Variants in LILRB2 observed in about 807,000 individuals in gnomAD.
LILRB2 encodes leukocyte immunoglobulin-like receptor subfamily B member 2.
Under a neutral mutation model 72.7 loss-of-function variants are expected in LILRB2, and 47 were observed. The observed-to-expected ratio is 0.65, with a 90% CI of 0.51 to 0.82. LILRB2 has a LOEUF of 0.82. Among genes scored for constraint, LILRB2 ranks in the 40% least tolerant of loss-of-function variants. The pLI, the probability that LILRB2 is intolerant of heterozygous loss-of-function variation, is 0.00. For missense variants in LILRB2, 767 were observed against 764.8 expected (o/e 1.00, Z -0.03); for synonymous variants, 279 against 313.7 (o/e 0.89, Z 1.17).
chr19:54,278,728 T>A lies in LILRB2; in HGVS notation c.955+84A>T, dbSNP rs537959344. 31 of 1,463,794 alleles carry A rather than the reference T, an allele frequency of 2.1e-5. No homozygotes were observed. In the African/African-American group the frequency reaches 4.6e-4, roughly 22 times the overall value. 90.7% of individuals were successfully genotyped at this position (1,463,794 alleles called of 1,614,324 possible). A position where few individuals can be genotyped will look rare whatever the true frequency, so the allele number is the denominator to read the frequency against. ...CCCTCCCTTGGGACCACCCCCCGCCTCATCCTGGCCATCACTAATTGGATT... is the reference window on the plus strand; with the variant it reads ...CCCTCCCTTGGGACCACCCCCCGCCACATCCTGGCCATCACTAATTGGATT... On this transcript the variant is annotated intron_variant, in intron 6 of 13. Coordinates refer to ENST00000314446, the MANE Select transcript of LILRB2 (RefSeq NM_001080978.4).
At chr19:54,275,862 G>A in intron 13 of LILRB2, 89 bp downstream of exon 13, 1 of 1,522,226 alleles carries the variant, frequency 6.6e-7, no homozygotes, top group African/African-American at 1.4e-5. Context: ...ACGATGCTGA[G>A]AGCCGGGGGA....
Position 54,280,544 on chromosome 19 carries a change from G to A in LILRB2, c.-48C>T. 2 of 1,613,910 alleles carry A rather than the reference G, an allele frequency of 1.2e-6. No homozygotes were observed. Among genetic ancestry groups the A allele is most frequent in the Non-Finnish European group, 1.7e-6 (2 of 1,179,890 alleles). ...CTCTGCGGATGGATGAGCCCTCGGT[G>A]CTGGCGGGACAGAGACACACAGAGA... On this transcript the variant is annotated splice_region_variant and 5_prime_UTR_variant, in exon 2 of 14. Coordinates refer to ENST00000314446, the MANE Select transcript of LILRB2 (RefSeq NM_001080978.4).
intron 6 of LILRB2, 115 bp from the exon 7 acceptor site, chr19:54,278,677 C>T (rs1291447519): frequency 1.0e-5 from 15 of 1,461,790 alleles, no homozygotes; most frequent in Non-Finnish European, 1.3e-5. Context: ...CCTCCCCACC[C>T]ATCCCCTGTC....
rs774788417 is a variant in LILRB2, at chr19:54,278,390, C to G, written c.1128G>C (p.Lys376Asn). The change falls in exon 7 of 14, where the codon AAG (lysine) becomes AAC (asparagine). Residue 376 changes from lysine (K) to asparagine (N), a missense_variant. Physicochemically the swap from Lys to Asn is moderately conservative, Grantham distance 94. Around this residue, in one of 3 missense-constraint regions of LILRB2, gnomAD observed 599 missense variants for 568.2 expected, o/e 1.05. Coordinates refer to ENST00000314446, the MANE Select transcript of LILRB2 (RefSeq NM_001080978.4). ...LRLRSIHEYP[K>N]YQAEFPMSPV... is the part of the protein sequence containing the mutation. ...GACTCATGGGGAATTCAGCCTGGTA[C>G]TTAGGATATTCGTGTATTGATCTTA... 16 of 1,614,098 alleles carry G rather than the reference C, an allele frequency of 9.9e-6. No individual in the cohort carries two copies. In the Admixed American group the frequency reaches 2.0e-4, roughly 20 times the overall value.
chr19:54,276,636 G>A (rs1043434718), intron 10 of LILRB2, 171 bp downstream of exon 10: 4 of 1,433,976 alleles, frequency 2.8e-6, no homozygotes, highest in African/African-American at 1.4e-5. Flanking sequence ...GAGCCCGGAG[G>A]ACACTTTATA....
rs757236225 is a variant in LILRB2 at position 54,278,352 on chromosome 19, G to T, written c.1166C>A (p.Ala389Asp). Residue 389 changes from alanine to aspartate, a missense_variant, in exon 7 of 14, where the codon GCC (alanine) becomes GAC (aspartate). Transcript: ENST00000314446. ...GTAGCACCTGTAGGTCCCCGCGTGG[G>T]CTGAGGTCACAGGACTCATGGGGAA... ...AEFPMSPVTS[A>D]HAGTYRCYGS... is the part of the protein sequence containing the mutation. 5 of 1,614,220 alleles carry T rather than the reference G, an allele frequency of 3.1e-6. No homozygotes were observed. The highest frequency in any genetic ancestry group is 4.2e-6 in the Non-Finnish European group (5 of 1,180,028).
Position 54,279,123 on chromosome 19 carries a change from T to C in LILRB2, c.659-15A>G. 1 of 1,607,656 alleles carries C rather than the reference T, an allele frequency of 6.2e-7. No homozygotes were observed. The highest frequency in any genetic ancestry group is 8.5e-7 in the Non-Finnish European group (1 of 1,175,710). On this transcript the variant is annotated splice_polypyrimidine_tract_variant and intron_variant, in intron 5 of 13. Transcript: ENST00000314446. ...CTTAGAAACACCTGGGAAAAGGTGC[T>C]CATGGTTTCCAGGAGCCGACCCTCA...
At chr19:54,280,672 C>A in intron 1 of LILRB2, 128 bp from the exon 2 acceptor site, 5 of 1,317,202 alleles carry the variant, frequency 3.8e-6, no homozygotes, top group East Asian at 2.4e-5. Context: ...GAACTGCCCT[C>A]CCAGGAGCCT....
At chr19:54,275,028 A>G in intron 13 of LILRB2, 199 bp from the exon 14 acceptor site, 2 of 1,607,024 alleles carry the variant, frequency 1.2e-6, no homozygotes, top group Non-Finnish European at 1.7e-6. Flanking sequence ...TCACCGGGGC[A>G]TATGTCACTG....
rs111762694 is a variant in LILRB2 at position 54,276,833 on chromosome 19, C to T, written c.1454G>A (p.Arg485Gln). 1.7e-5 allele frequency: 28 copies of T among 1,613,754 alleles called. No individual in the cohort carries two copies. In the Admixed American group the frequency reaches 2.0e-4, roughly 12 times the overall value. Residue 485 changes from arginine (R) to glutamine (Q), a missense_variant, in exon 10 of 14, where the codon CGA becomes CAA. Physicochemically the swap from Arg to Gln is conservative, Grantham distance 43. This residue lies in a region of LILRB2 where 162 missense variants were observed against 176.7 expected (regional missense o/e 0.92). Transcript: ENST00000314446. ...CGATGTCCAGTGTTTGCCCTGACGT[C>T]GATGTCGGAGGATGAGGAAGAGGAG... ...LLLLFLILRHRRQGKHWTSTQ... is the reference protein window; with the variant it reads ...LLLLFLILRHQRQGKHWTSTQ...
chr19:54,280,257 G>T lies in LILRB2; in HGVS notation c.70+7C>A. 1 of 1,613,944 alleles carries T rather than the reference G, an allele frequency of 6.2e-7. No individual in the cohort carries two copies. Among genetic ancestry groups the T allele is most frequent in the Non-Finnish European group, 8.5e-7 (1 of 1,179,972 alleles). On this transcript the variant is annotated splice_region_variant and intron_variant, in intron 3 of 13. Coordinates refer to ENST00000314446, the MANE Select transcript of LILRB2 (RefSeq NM_001080978.4). ...GAGGGACCTGGGAGAGCTGGGGACA[G>T]ACTCACCTGTCTGCACGCGGGTCCT...
At position 54,280,273 on chromosome 19, in the gene LILRB2, C is replaced by T. The variant is rs558155922; in HGVS notation, c.61G>A (p.Val21Met). Residue 21 changes from valine (V) to methionine (M), a missense_variant, in exon 3 of 14, where the codon GTG becomes ATG. Physicochemically the swap from Val to Met is conservative, Grantham distance 21. This residue lies in a region of LILRB2 where 599 missense variants were observed against 568.2 expected (regional missense o/e 1.05). Transcript: ENST00000314446. ...LGLSLGPRTR[V>M]QTGTIPKPTL... ...CTGGGGACAGACTCACCTGTCTGCA[C>T]GCGGGTCCTGGGGCCCAGACTCAGC... The T allele has an allele frequency of 2.0e-5, 32 of 1,614,064 alleles. No individual in the cohort carries two copies. Among genetic ancestry groups the T allele is most frequent in the South Asian group, 1.4e-4 (13 of 91,080 alleles).
At position 54,277,554 on chromosome 19, in the gene LILRB2, T is replaced by C. The variant is rs61063260; in HGVS notation, c.1353A>G (p.Gln451=). The change falls in exon 9 of 14, where the codon CAA becomes CAG. Residue 451 remains glutamine (Q), a synonymous_variant. Transcript: ENST00000314446. Reference sequence around the variant, plus strand: ...CACTCAGAGCCCCTCACTCACCACTTTGGGGATCCGACCCAGTGGGGGTGA... The same window carrying C: ...CACTCAGAGCCCCTCACTCACCACTCTGGGGATCCGACCCAGTGGGGGTGA... ...QPLTPTGSDP[Q]SGLGRHLGVV... 1,655 of 1,570,002 alleles carry C rather than the reference T, an allele frequency of 1.1e-3. 18 individuals are homozygous for C. The African/African-American group carries it at 0.02, about 19-fold the overall frequency.
rs2147775863 is a variant in LILRB2, at chr19:54,278,451, A to G, written c.1067T>C (p.Leu356Pro). The G allele has an allele frequency of 5.0e-6, 8 of 1,614,204 alleles. No homozygotes were observed. The highest frequency in any genetic ancestry group is 6.8e-6 in the Non-Finnish European group (8 of 1,180,020). ...GGCATCAGCTGCTCCCGCCTTGGTCAGAAGGAAAGTGTGGAACTGCCGCCA... is the reference window on the plus strand; with the variant it reads ...GGCATCAGCTGCTCCCGCCTTGGTCGGAAGGAAAGTGTGGAACTGCCGCCA... ...QSWRQFHTFL[L>P]TKAGAADAPL... The change falls in exon 7 of 14, where the codon CTG becomes CCG. Residue 356 changes from leucine to proline, a missense_variant. This residue lies in a region of LILRB2 where 599 missense variants were observed against 568.2 expected (regional missense o/e 1.05). Transcript: ENST00000314446.
At chr19:54,280,331 C>T in intron 2 of LILRB2, 32 bp from the exon 3 acceptor site, 2 of 1,614,172 alleles carry the variant, frequency 1.2e-6, no homozygotes, top group Non-Finnish European at 1.7e-6. Flanking sequence ...GGGATTTGCC[C>T]CCTGAAGCCT....
intron 4 of LILRB2, 32 bp downstream of exon 4, chr19:54,279,759 C>G: frequency 6.2e-7 from 1 of 1,612,692 alleles, no homozygotes; most frequent in Non-Finnish European, 8.5e-7. Context: ...GAGGGCAGAG[C>G]CTGGGGCTGG....
chr19:54,277,613 G>T lies in LILRB2; in HGVS notation c.1310-16C>A, dbSNP rs776376741. 5.8e-6 allele frequency: 9 copies of T among 1,559,794 alleles called. No individual in the cohort carries two copies. The African/African-American group carries it at 6.8e-5, about 12-fold the overall frequency. On this transcript the variant is annotated splice_polypyrimidine_tract_variant and intron_variant, in intron 8 of 13. Coordinates refer to ENST00000314446, the MANE Select transcript of LILRB2 (RefSeq NM_001080978.4). ...TCCTCAGGGCCTGCTGGGTCAGGAC[G>T]GGGAGGTGAGGGCTGGGGCTGCCCT...
At chr19:54,279,238 C>A in intron 5 of LILRB2, 107 bp downstream of exon 5, 1 of 1,540,538 alleles carries the variant, frequency 6.5e-7, no homozygotes, top group Non-Finnish European at 8.8e-7. Context: ...AGCCCTCTCG[C>A]CCCAACATCA....
At chr19:54,277,205 A>T (rs1321697011) in intron 9 of LILRB2, 1 of 1,532,940 alleles carries the variant, frequency 6.5e-7, no homozygotes. Context: ...CGAGCCCCGG[A>T]GCTGCAGGGA....
Sources: allele counts gnomAD v4.1 joint callset, GRCh38; gene constraint gnomAD v4.1.1; regional missense constraint gnomAD v4.1.1; transcripts MANE v1.5; gene names NCBI Gene and HGNC (gene_info 2026-07-23, HGNC 2026-07-21).